PRP4K: variants seen among roughly 807,000 people sequenced by gnomAD.
PRP4K encodes the protein serine/threonine-protein kinase PRP4 homolog.
At chr6:4,040,910 A>G in the PRP4K span, 1 of 1,613,250 alleles carries the variant, frequency 6.2e-7, no homozygotes, top group Admixed American at 1.7e-5. Flanking sequence ...TTGAGCAGGA[A>G]TCTTCGTCTG....
the PRP4K span, among the ~76,000 whole-genome samples, chr6:4,040,409 A>G: frequency 1.3e-5 from 2 of 152,262 alleles, no homozygotes; most frequent in Admixed American, 6.5e-5. Context: ...GTGCCTGTGT[A>G]TACAACCGTG....
At chr6:4,043,477 G>C in the PRP4K span, among the ~76,000 whole-genome samples, 1 of 152,054 alleles carries the variant, frequency 6.6e-6, no homozygotes, top group Non-Finnish European at 1.5e-5. Flanking sequence ...GTCTGCAGCA[G>C]ACCCCATAAT....
chr6:4,035,153 G>A, the PRP4K span, among the ~76,000 whole-genome samples: 1 of 149,396 alleles, frequency 6.7e-6, no homozygotes, highest in Admixed American at 6.7e-5. Flanking sequence ...GTCTCGCTCT[G>A]TCGCCCAGGC....
chr6:4,031,999 G>A, the PRP4K span: 1 of 1,614,054 alleles, frequency 6.2e-7, no homozygotes, highest in South Asian at 1.1e-5. Flanking sequence ...AATAGGTCTA[G>A]TACTAGATCT....
At chr6:4,032,686 G>A in the PRP4K span, 1 of 1,610,982 alleles carries the variant, frequency 6.2e-7, no homozygotes, top group East Asian at 2.2e-5. Flanking sequence ...TCTCCTGGGA[G>A]AAGAGCCAAG....
At chr6:4,047,159 G>A in the PRP4K span, 1 of 1,586,012 alleles carries the variant, frequency 6.3e-7, no homozygotes, top group African/African-American at 1.3e-5. Context: ...AAACATTAAT[G>A]CTAATTTCCT....
At chr6:4,048,579 G>A in the PRP4K span, among the ~76,000 whole-genome samples, 11 of 151,858 alleles carry the variant, frequency 7.2e-5, no homozygotes, top group Non-Finnish European at 1.5e-4. Context: ...TTTGTTTTGA[G>A]ATAGGGTCTC....
chr6:4,021,944 G>A, the PRP4K span, among the ~76,000 whole-genome samples: 2 of 152,134 alleles, frequency 1.3e-5, no homozygotes, highest in Non-Finnish European at 2.9e-5. Context: ...GGACCTGAAA[G>A]CAGAGAGCGG....
the PRP4K span, among the ~76,000 whole-genome samples, chr6:4,027,594 GA>G: frequency 0.41 from 27,130 of 66,860 alleles, 7,452 homozygotes; most frequent in East Asian, 0.59. Context: ...TTATTTGGCG[GA>G]GGGGTGGGGG....
At chr6:4,034,162 T>G in the PRP4K span, among the ~76,000 whole-genome samples, 14 of 152,298 alleles carry the variant, frequency 9.2e-5, no homozygotes, top group African/African-American at 3.1e-4. Context: ...AGGGAATTTT[T>G]TTTTTTAACA....
chr6:4,036,164 G>A, the PRP4K span, among the ~76,000 whole-genome samples: 1 of 152,130 alleles, frequency 6.6e-6, no homozygotes, highest in African/African-American at 2.4e-5. Context: ...TTAAACAAGA[G>A]TAAAACTCAC....
the PRP4K span, chr6:4,032,767 AC>A: frequency 1.3e-6 from 2 of 1,545,124 alleles, no homozygotes; most frequent in Non-Finnish European, 1.7e-6. Context: ...TAACTTGTGT[AC>A]AAAATGTTAA....
the PRP4K span, chr6:4,047,112 C>T: frequency 5.8e-5 from 81 of 1,388,054 alleles, no homozygotes; most frequent in African/African-American, 5.3e-4. Context: ...ACTTCCCATT[C>T]ACTTATTTTG....
the PRP4K span, among the ~76,000 whole-genome samples, chr6:4,035,075 A>G: frequency 6.6e-6 from 1 of 151,646 alleles, no homozygotes; most frequent in Non-Finnish European, 1.5e-5. Context: ...ATCCATTTAT[A>G]TATACATATA....
At chr6:4,043,506 T>C in the PRP4K span, among the ~76,000 whole-genome samples, 1 of 152,118 alleles carries the variant, frequency 6.6e-6, no homozygotes, top group Non-Finnish European at 1.5e-5. Flanking sequence ...TTAATATTTC[T>C]ACAGTGAGGC....
chr6:4,046,653 C>A, the PRP4K span, among the ~76,000 whole-genome samples: 3 of 149,766 alleles, frequency 2.0e-5, no homozygotes, highest in Non-Finnish European at 4.4e-5. Flanking sequence ...AACATTGGGT[C>A]TTTCAACTTT....
chr6:4,033,638 A>G, the PRP4K span, among the ~76,000 whole-genome samples: 1 of 152,148 alleles, frequency 6.6e-6, no homozygotes, highest in Non-Finnish European at 1.5e-5. Context: ...ATTGGCTTAT[A>G]CTATATAAGG....
At chr6:4,021,404 C>G in the PRP4K span, 2 of 1,573,986 alleles carry the variant, frequency 1.3e-6, no homozygotes, top group Non-Finnish European at 1.7e-6. Flanking sequence ...GCCACCGCCG[C>G]CGAGGAGTCA....
chr6:4,061,287 T>C, the PRP4K span: 1 of 152,812 alleles, frequency 6.5e-6, no homozygotes, highest in Non-Finnish European at 1.5e-5. Flanking sequence ...GCATTGCAAC[T>C]GTGGCATAGT....
Sources: allele counts gnomAD v4.1 joint callset (sites outside exome capture counted in the v4.1 genomes callset), GRCh38; gene constraint gnomAD v4.1.1; transcripts MANE v1.5; gene names NCBI Gene and HGNC (gene_info 2026-07-23, HGNC 2026-07-21).